Variants in LSAMP observed in about 807,000 individuals in gnomAD.
LSAMP encodes limbic system associated membrane protein, also known as limbic system-associated membrane protein.
Under a neutral mutation model 38.6 loss-of-function variants are expected in LSAMP, and 7 were observed. The ratio of observed to expected loss-of-function variants is 0.18; its 90% CI spans 0.10 to 0.34. The LOEUF (loss-of-function observed/expected upper bound fraction) is 0.34. LSAMP is among the 10% of genes least tolerant of loss of function. The pLI, the probability that LSAMP is intolerant of heterozygous loss-of-function variation, is 1.00. For synonymous variants in LSAMP, 154 were observed against 166.8 expected (o/e 0.92, Z 0.59); for missense variants, 313 against 420.0 (o/e 0.75, Z 2.23).
chr3:116,109,562 TACA>T (rs1451852975), intron 1 of LSAMP, among the ~76,000 whole-genome samples: 4 of 152,186 alleles, frequency 2.6e-5, no homozygotes, highest in Non-Finnish European at 4.4e-5. Flanking sequence ...TTGCTCATTT[TACA>T]ACAAGAAATA....
chr3:115,833,295 G>A lies in LSAMP; in HGVS notation c.919+8550C>T, dbSNP rs538482876. 4.1e-3 allele frequency among the ~76,000 whole-genome samples: 621 copies of A among 151,240 alleles called. 2 individuals are homozygous for A. The highest frequency in any genetic ancestry group is 6.4e-3 in the Non-Finnish European group (432 of 67,836). ...GTATCATGTCAAGTCTAAAAAACAG[G>A]CACATTTTAACAGTCTTATTTTTAG... On this transcript the variant is annotated intron_variant, in intron 6 of 6. Transcript: ENST00000490035.
intron 6 of LSAMP, among the ~76,000 whole-genome samples, chr3:115,819,917 G>C (rs1934172731): frequency 6.6e-6 from 1 of 152,092 alleles, no homozygotes; most frequent in Non-Finnish European, 1.5e-5. Flanking sequence ...TTTTGAAAAT[G>C]TGGTTATGTG....
chr3:115,812,086 A>G (rs998973355), intron 6 of LSAMP, among the ~76,000 whole-genome samples: 2 of 152,246 alleles, frequency 1.3e-5, no homozygotes, highest in Admixed American at 1.3e-4. Flanking sequence ...AAACAAGGAG[A>G]CAACTACTAT....
At chr3:115,964,991 C>T (rs559270817) in intron 3 of LSAMP, among the ~76,000 whole-genome samples, 1 of 152,102 alleles carries the variant, frequency 6.6e-6, no homozygotes, top group East Asian at 1.9e-4. Context: ...TAATGTGTGA[C>T]CTTTTAAATT....
intron 3 of LSAMP, among the ~76,000 whole-genome samples, chr3:115,919,539 T>C (rs1234273707): frequency 1.3e-5 from 2 of 152,002 alleles, no homozygotes; most frequent in African/African-American, 4.8e-5. Flanking sequence ...TGAATGGGGG[T>C]CTGGGGTGTG....
intron 3 of LSAMP, among the ~76,000 whole-genome samples, chr3:115,879,041 C>A (rs1936258057): frequency 6.6e-6 from 1 of 152,060 alleles, no homozygotes; most frequent in African/African-American, 2.4e-5. Context: ...TACATGACAG[C>A]AAATTTATAA....
At chr3:116,210,410 C>A (rs191523748) in intron 1 of LSAMP, among the ~76,000 whole-genome samples, 10 of 152,150 alleles carry the variant, frequency 6.6e-5, no homozygotes. Flanking sequence ...CTGCGTCTTC[C>A]GGCCTCCATC....
intron 1 of LSAMP, among the ~76,000 whole-genome samples, chr3:116,344,480 C>A (rs901127341): frequency 1.3e-4 from 20 of 152,044 alleles, no homozygotes; most frequent in African/African-American, 4.8e-4. Flanking sequence ...AATCATTCAA[C>A]AGAAAAGATT....
intron 1 of LSAMP, among the ~76,000 whole-genome samples, chr3:116,394,266 C>A (rs1353128638): frequency 6.6e-6 from 1 of 152,114 alleles, no homozygotes; most frequent in East Asian, 1.9e-4. Flanking sequence ...TAAGAAGACT[C>A]AAATTTCTTA....
intron 3 of LSAMP, among the ~76,000 whole-genome samples, chr3:115,913,577 G>T (rs1304293278): frequency 6.6e-6 from 1 of 152,196 alleles, no homozygotes; most frequent in African/African-American, 2.4e-5. Context: ...TAGGTTAGAA[G>T]AAAATGCCCC....
intron 1 of LSAMP, among the ~76,000 whole-genome samples, chr3:116,392,448 C>T (rs906692266): frequency 2.0e-4 from 30 of 152,248 alleles, no homozygotes; most frequent in Admixed American, 5.9e-4. Flanking sequence ...CACACACTCA[C>T]GGCAACGCTG....
chr3:116,230,782 T>TA (rs1211474770), intron 1 of LSAMP, among the ~76,000 whole-genome samples: 19 of 151,522 alleles, frequency 1.3e-4, no homozygotes, highest in Admixed American at 4.0e-4. Context: ...GCTTTGTAAT[T>TA]AAAAAAAAAC....
At chr3:116,177,853 T>G (rs1359247355) in intron 1 of LSAMP, among the ~76,000 whole-genome samples, 2 of 152,170 alleles carry the variant, frequency 1.3e-5, no homozygotes, top group Non-Finnish European at 2.9e-5. Flanking sequence ...TAAAAAAATG[T>G]CCCTGACTTG....
At chr3:116,169,082 G>A (rs1207767106) in intron 1 of LSAMP, among the ~76,000 whole-genome samples, 3 of 152,146 alleles carry the variant, frequency 2.0e-5, no homozygotes, top group Non-Finnish European at 2.9e-5. Flanking sequence ...GCACATGGCT[G>A]TAGTCCTAGC....
At chr3:116,314,354 G>T (rs549153170) in intron 1 of LSAMP, among the ~76,000 whole-genome samples, 1 of 152,300 alleles carries the variant, frequency 6.6e-6, no homozygotes, top group Admixed American at 6.5e-5. Flanking sequence ...TTAGGACAAT[G>T]CTTAGAAACA....
At chr3:116,138,331 G>A (rs776975670) in intron 1 of LSAMP, among the ~76,000 whole-genome samples, 22 of 151,994 alleles carry the variant, frequency 1.4e-4, no homozygotes, top group Non-Finnish European at 1.3e-4. Context: ...ATCCTCAACT[G>A]TTTCTCTCTC....
chr3:115,864,386 A>G (rs984396180), intron 3 of LSAMP, among the ~76,000 whole-genome samples: 3 of 152,206 alleles, frequency 2.0e-5, no homozygotes, highest in African/African-American at 7.2e-5. Flanking sequence ...CTTTTCCTAC[A>G]GGGCTGGACC....
chr3:116,298,428 G>A (rs1037310331), intron 1 of LSAMP, among the ~76,000 whole-genome samples: 2 of 148,724 alleles, frequency 1.3e-5, no homozygotes, highest in African/African-American at 4.9e-5. Flanking sequence ...TCAGAAGGGG[G>A]AAAAAAAAAA....
chr3:116,259,281 C>CTTAT (rs1455670279), intron 1 of LSAMP, among the ~76,000 whole-genome samples: 1 of 151,970 alleles, frequency 6.6e-6, no homozygotes, highest in African/African-American at 2.4e-5. Context: ...CCTTTTTTAG[C>CTTAT]TTATTTATGA....
Sources: gnomAD v4.1 joint callset for allele counts (sites outside exome capture counted in the v4.1 genomes callset) on GRCh38, gnomAD v4.1.1 for gene constraint, MANE v1.5 for transcripts, NCBI Gene and HGNC (gene_info 2026-07-23, HGNC 2026-07-21) for gene names.